The following HBS1L variants were observed in gnomAD, a reference collection of about 807,000 sequenced individuals.
HBS1L encodes HBS1-like protein.
In HBS1L, 55 loss-of-function variants were observed where a neutral mutation model predicts 88.9. The ratio of observed to expected loss-of-function variants is 0.62; its 90% confidence interval spans 0.50 to 0.77. The LOEUF (loss-of-function observed/expected upper bound fraction) is 0.77. Among genes scored for constraint, HBS1L ranks in the 30% least tolerant of loss-of-function variants. HBS1L has a pLI of 0.00. For missense variants in HBS1L, 741 were observed against 829.3 expected (o/e 0.89, Z 1.31); for synonymous variants, 267 against 288.5 (o/e 0.93, Z 0.76).
intron 3 of HBS1L, 25 bp from the exon 4 acceptor site, chr6:135,039,792 A>C (rs371063483): frequency 6.3e-7 from 1 of 1,579,866 alleles, no homozygotes; most frequent in Non-Finnish European, 8.6e-7. Context: ...AATGGTCAAA[A>C]GCTATACTAA....
intron 4 of HBS1L, among the ~76,000 whole-genome samples, chr6:135,011,132 TATTG>T (rs1450824736): frequency 6.6e-6 from 1 of 152,164 alleles, no homozygotes; most frequent in African/African-American, 2.4e-5. Context: ...ATAAATTCCT[TATTG>T]ATTAATGATA....
chr6:134,978,398 G>C (rs1774713686), intron 15 of HBS1L, among the ~76,000 whole-genome samples: 1 of 151,850 alleles, frequency 6.6e-6, no homozygotes, highest in Non-Finnish European at 1.5e-5. Context: ...GTGAAAATGT[G>C]TCTATCATTT....
chr6:135,039,444 T>C, intron 4 of HBS1L, 129 bp downstream of exon 4: 2 of 740,020 alleles, frequency 2.7e-6, no homozygotes, highest in Non-Finnish European at 4.4e-6. Context: ...AATCAAAAGT[T>C]AACAATAACA....
chr6:134,998,419 C>A (rs1319397389), intron 5 of HBS1L, among the ~76,000 whole-genome samples: 1 of 116,060 alleles, frequency 8.6e-6, no homozygotes, highest in Non-Finnish European at 2.0e-5. Flanking sequence ...AGTACCAGTG[C>A]AACTCTGAAT....
At chr6:134,971,061 A>C (rs1321953370) in intron 15 of HBS1L, among the ~76,000 whole-genome samples, 2 of 152,054 alleles carry the variant, frequency 1.3e-5, no homozygotes, top group Middle Eastern at 3.4e-3. Context: ...CTGTAGATGT[A>C]CAATCTTAGA....
chr6:135,028,708 G>A (rs1286871657), intron 4 of HBS1L, among the ~76,000 whole-genome samples: 3 of 151,992 alleles, frequency 2.0e-5, no homozygotes, highest in Non-Finnish European at 4.4e-5. Context: ...AACTGGAGAC[G>A]GTTCTTCATC....
chr6:135,017,419 T>C (rs1562298679), intron 4 of HBS1L, among the ~76,000 whole-genome samples: 2 of 152,118 alleles, frequency 1.3e-5, no homozygotes, highest in South Asian at 2.1e-4. Context: ...ATGTAAGAAA[T>C]ATTACAAGGG....
In HBS1L at chr6:135,002,737, G is replaced by A. The variant is rs760782185; in HGVS notation, c.536C>T (p.Pro179Leu). The change falls in exon 5 of 18, where the codon CCT becomes CTT. Residue 179 changes from proline (P) to leucine (L), a missense_variant. By Grantham distance (98) the Pro-to-Leu change is moderately conservative. This residue lies in a region of HBS1L where 556 missense variants were observed against 598.4 expected (regional missense o/e 0.93). Coordinates refer to ENST00000367837, the MANE Select transcript of HBS1L (RefSeq NM_006620.4). ...GKKQTMGFEV[P>L]GVSSEENGHS... ...AGGGAGGTACTCAAAGTCTTACCCA[G>A]GCACTTCAAATCCCATAGTTTGCTT... 1.2e-6 allele frequency: 2 copies of A among 1,602,090 alleles called. No individual in the cohort carries two copies. The highest frequency in any genetic ancestry group is 2.2e-5 in the East Asian group (1 of 44,798).
chr6:135,004,683 G>A (rs148255900), intron 4 of HBS1L, among the ~76,000 whole-genome samples: 1 of 152,268 alleles, frequency 6.6e-6, no homozygotes, highest in African/African-American at 2.4e-5. Context: ...TGAAGTAAAG[G>A]GACATCTGAA....
At chr6:135,011,591 G>A (rs1242304789) in intron 4 of HBS1L, among the ~76,000 whole-genome samples, 1 of 151,960 alleles carries the variant, frequency 6.6e-6, no homozygotes, top group Non-Finnish European at 1.5e-5. Flanking sequence ...TATATGCAAG[G>A]GGTTAGTTAA....
intron 4 of HBS1L, among the ~76,000 whole-genome samples, chr6:135,033,549 C>G (rs913623728): frequency 1.3e-5 from 2 of 152,114 alleles, no homozygotes; most frequent in African/African-American, 2.4e-5. Flanking sequence ...AAATAGGAAG[C>G]CTGGAAACCT....
At position 135,045,927 on chromosome 6, in the gene HBS1L, C is replaced by T. The variant is rs556707290; in HGVS notation, c.110-3801G>A. ...ACTACAAGTCTCCCCTTTATTCTGG[C>T]CCACCTATACGCCACTTTGTGGACC... On this transcript the variant is annotated intron_variant, in intron 2 of 17. Transcript: ENST00000367837. 2.0e-5 allele frequency among the ~76,000 whole-genome samples: 3 copies of T among 152,294 alleles called. No homozygotes were observed. The South Asian group carries it at 6.2e-4, about 32-fold the overall frequency.
At chr6:135,054,559 G>T in intron 1 of HBS1L, 90 bp downstream of exon 1, 3 of 1,465,234 alleles carry the variant, frequency 2.0e-6, no homozygotes, top group South Asian at 1.2e-5. Flanking sequence ...CAACACTGAC[G>T]AGAAACTCAC....
chr6:135,021,791 T>C (rs1776078803), intron 4 of HBS1L, among the ~76,000 whole-genome samples: 1 of 152,188 alleles, frequency 6.6e-6, no homozygotes, highest in Non-Finnish European at 1.5e-5. Flanking sequence ...TACGTAAAAT[T>C]AGGCAATTTA....
At position 135,052,127 on chromosome 6, in the gene HBS1L, C is replaced by T. The variant is rs1023055580; in HGVS notation, c.44-1480G>A. ...TCTGAGGGTATTCATGCAGCAGGAA[C>T]AGCATGCTCAAAGGCTGAGACCAAA... On this transcript the variant is annotated intron_variant, in intron 1 of 17. Transcript: ENST00000367837. Among the ~76,000 whole-genome samples, 5 of 152,130 alleles carry T rather than the reference C, an allele frequency of 3.3e-5. No homozygotes were observed. The East Asian group carries it at 9.6e-4, about 29-fold the overall frequency.
At position 134,982,501 on chromosome 6, in the gene HBS1L, G is replaced by A. The variant is rs1172026989; in HGVS notation, c.1554C>T (p.Asp518=). Residue 518 remains aspartate, a synonymous_variant, in exon 13 of 18, where the codon GAC becomes GAT. Transcript: ENST00000367837. ...KIEAGYIQTG[D]RLLAMPPNET... is the part of the protein sequence containing the mutation. ...CATTAGGAGGCATTGCCAGTAGTCG[G>A]TCACCAGTTTGGATATAACCAGCTT... 2.5e-6 allele frequency: 4 copies of A among 1,611,620 alleles called. No individual in the cohort carries two copies. The highest frequency in any genetic ancestry group is 3.4e-6 in the Non-Finnish European group (4 of 1,178,292).
chr6:135,052,351 C>G (rs1253192921), intron 1 of HBS1L, among the ~76,000 whole-genome samples: 1 of 152,018 alleles, frequency 6.6e-6, no homozygotes, highest in Non-Finnish European at 1.5e-5. Flanking sequence ...AATTCCAGTA[C>G]TTTGGGAAGC....
chr6:134,991,528 T>G (rs1775138715), intron 8 of HBS1L, among the ~76,000 whole-genome samples: 1 of 152,214 alleles, frequency 6.6e-6, no homozygotes, highest in Non-Finnish European at 1.5e-5. Flanking sequence ...TTCCTAGAGT[T>G]GTTATAAAGA....
At chr6:135,012,728 G>C (rs1269345687) in intron 4 of HBS1L, among the ~76,000 whole-genome samples, 1 of 152,014 alleles carries the variant, frequency 6.6e-6, no homozygotes, top group African/African-American at 2.4e-5. Flanking sequence ...CACATGCATG[G>C]CCATGGCTCA....
Sources: gnomAD v4.1 joint callset for allele counts (sites outside exome capture counted in the v4.1 genomes callset) on GRCh38, gnomAD v4.1.1 for gene constraint, gnomAD v4.1.1 regional missense constraint, MANE v1.5 for transcripts, NCBI Gene and HGNC (gene_info 2026-07-23, HGNC 2026-07-21) for gene names.